Variants in ESPL1 observed in about 807,000 individuals in gnomAD.
ESPL1 encodes extra spindle pole bodies like 1, separase, also known as separin.
In ESPL1, 50 loss-of-function variants were observed where a neutral mutation model predicts 217.2. The observed-to-expected ratio is 0.23, with a 90% CI of 0.18 to 0.29. The LOEUF (loss-of-function observed/expected upper bound fraction) is 0.29, where lower values mean the gene tolerates loss of function less well. Ranked by LOEUF, ESPL1 falls within the 10% of genes least tolerant of loss-of-function variation. The pLI is 1.00. For synonymous variants in ESPL1, 994 were observed against 1,081.3 expected, an observed-to-expected ratio of 0.92 and a Z score of 1.58; for missense variants, 1,834 against 2,603.0, an observed-to-expected ratio of 0.70 and a Z score of 6.43.
intron 6 of ESPL1, 54 bp downstream of exon 6, chr12:53,272,911 G>GGAGCGGGGA (rs1943699803): frequency 6.9e-6 from 11 of 1,598,308 alleles, no homozygotes; most frequent in Non-Finnish European, 8.5e-6. Flanking sequence ...GGGAGCGGGG[G>GGAGCGGGGA]GAGCGGGGAA....
At chr12:53,279,932 A>G in intron 12 of ESPL1, 66 bp downstream of exon 12, 1 of 1,473,748 alleles carries the variant, frequency 6.8e-7, no homozygotes, top group Non-Finnish European at 9.0e-7. Context: ...CCCACCTCTG[A>G]GAAGACAGGA....
rs1943797893 is a variant in ESPL1, at chr12:53,277,840, C to T, written c.2244C>T (p.Asp748=). The change falls in exon 11 of 31, where the codon GAC becomes GAT. Residue 748 remains aspartate, a synonymous_variant. Coordinates refer to ENST00000257934, the MANE Select transcript of ESPL1 (RefSeq NM_012291.5). ...AADAAQSKCL[D]QALALWKELL... The stretch of plus-strand genomic sequence containing the variant: ...TAACAGCTCAGTCCAAATGCCTGGA[C>T]CAAGCCCTGGCCCTGTGGAAGGAGC... The T allele has an allele frequency of 6.2e-7, 1 of 1,614,002 alleles. No homozygotes were observed. The highest frequency in any genetic ancestry group is 1.3e-5 in the African/African-American group (1 of 74,912).
intron 20 of ESPL1, 68 bp from the exon 21 acceptor site, chr12:53,289,022 C>T (rs1944007128): frequency 2.3e-6 from 3 of 1,278,014 alleles, no homozygotes; most frequent in South Asian, 2.4e-5. Flanking sequence ...ACTGTTCCTT[C>T]TTGGAAAGTT....
intron 5 of ESPL1, among the ~76,000 whole-genome samples, chr12:53,272,102 A>G (rs1943685932): frequency 6.6e-6 from 1 of 151,916 alleles, no homozygotes; most frequent in Admixed American, 6.6e-5. Context: ...AAAAAAAAAA[A>G]AATTTGTTGA....
At chr12:53,279,628 C>T in intron 11 of ESPL1, 104 bp from the exon 12 acceptor site, 1 of 1,154,352 alleles carries the variant, frequency 8.7e-7, no homozygotes, top group Admixed American at 2.0e-5. Context: ...CACCCAGGCC[C>T]TGAGGTCAAA....
In ESPL1 at chr12:53,285,945, A is replaced by C; in HGVS notation, c.3209A>C (p.His1070Pro). ...CCAGAGTTTGGTGGGGTGACTCAGC[A>C]CCTGGACTCTGTGAAGAAGGTCCAC... ...SCTEFGGVTQ[H>P]LDSVKKVHLQ... Residue 1070 changes from histidine (H) to proline (P), a missense_variant, in exon 18 of 31, where the codon CAC (histidine) becomes CCC (proline). His to Pro is a moderately conservative substitution (Grantham distance 77). Transcript: ENST00000257934. The C allele has an allele frequency of 6.5e-7, 1 of 1,539,778 alleles. No individual in the cohort carries two copies.
intron 25 of ESPL1, among the ~76,000 whole-genome samples, 198 bp downstream of exon 25, chr12:53,291,194 C>T (rs533462322): frequency 2.6e-5 from 4 of 151,570 alleles, no homozygotes; most frequent in Admixed American, 6.6e-5. Flanking sequence ...TCCAGCTTCT[C>T]GGGAGGCTGT....
chr12:53,275,427 C>T (rs1161304316), intron 7 of ESPL1, among the ~76,000 whole-genome samples: 1 of 152,112 alleles, frequency 6.6e-6, no homozygotes, highest in African/African-American at 2.4e-5. Flanking sequence ...TGCCACTGCA[C>T]TCCAGCCTGG....
In ESPL1 at chr12:53,282,635, G is replaced by A. The variant is rs1054793713; in HGVS notation, c.2791+200G>A. On this transcript the variant is annotated intron_variant, in intron 14 of 30. Coordinates refer to ENST00000257934, the MANE Select transcript of ESPL1 (RefSeq NM_012291.5). The surrounding 1 kb of genome is among the most constrained non-coding windows in gnomAD (Gnocchi z 4.0). The stretch of plus-strand genomic sequence containing the variant: ...CAATTGGTGACTGCCTGGAATACTA[G>A]GCTGAAAGGATTTTTTTTTCTTTTC... Among the ~76,000 whole-genome samples, 2 of 152,130 alleles carry A rather than the reference G, an allele frequency of 1.3e-5. No homozygotes were observed. The highest frequency in any genetic ancestry group is 4.8e-5 in the African/African-American group (2 of 41,440).
chr12:53,292,456 C>G lies in ESPL1; in HGVS notation c.5912+63C>G. 2.1e-6 allele frequency: 3 copies of G among 1,419,970 alleles called. No homozygotes were observed. The East Asian group carries it at 6.8e-5, about 32-fold the overall frequency. The allele number at this position is 1,419,970 out of a possible 1,614,324, so 88.0% of individuals were successfully genotyped here. ...GTAGACAACATACAGGGGCAACAAG[C>G]CTTTTCTCCAGAAACAGCTGTTGCA... On this transcript the variant is annotated intron_variant, in intron 28 of 30. Transcript: ENST00000257934. This position sits in a 1 kb window ranked among gnomAD's most constrained non-coding sequence, Gnocchi z 4.5.
Position 53,270,701 on chromosome 12 carries a change from C to T in ESPL1, c.1272C>T (p.Thr424=). 6.2e-7 allele frequency: 1 copy of T among 1,614,014 alleles called. No individual in the cohort carries two copies. The highest frequency in any genetic ancestry group is 8.5e-7 in the Non-Finnish European group (1 of 1,179,988). Reference sequence around the variant, plus strand: ...AGATAGTTGATTTGGCTGACCTGACCCAACTAGTGGACAGTTGTAAATCTA... The same window carrying T: ...AGATAGTTGATTTGGCTGACCTGACTCAACTAGTGGACAGTTGTAAATCTA... ...GCQIVDLADL[T]QLVDSCKSTV... is the part of the protein sequence containing the mutation. The change falls in exon 5 of 31, where the codon ACC becomes ACT. Residue 424 remains threonine, a synonymous_variant. Coordinates refer to ENST00000257934, the MANE Select transcript of ESPL1 (RefSeq NM_012291.5).
rs116495116 is a variant in ESPL1, at chr12:53,290,754, C to G, written c.5365-87C>G. 561 of 274,838 alleles carry G rather than the reference C, an allele frequency of 2.0e-3. 1 individual carries two copies. In the African/African-American group the frequency reaches 0.055, roughly 27 times the overall value. 17.0% of individuals were successfully genotyped at this position (274,838 alleles called of 1,614,324 possible). A position where few individuals can be genotyped will look rare whatever the true frequency, so the allele number is the denominator to read the frequency against. On this transcript the variant is annotated intron_variant, in intron 24 of 30. Coordinates refer to ENST00000257934, the MANE Select transcript of ESPL1 (RefSeq NM_012291.5). ...TAAGACAGACATGCACATTGGAAAA[C>G]GCATTTTCTCATCTCCAAAATGTCA... is the stretch of plus-strand genomic sequence containing the variant.
In ESPL1 at chr12:53,269,339, C is replaced by G. The variant is rs367795450; in HGVS notation, c.397C>G (p.Arg133Gly). Residue 133 changes from arginine to glycine, a missense_variant, in exon 3 of 31, where the codon CGC (arginine) becomes GGC (glycine). Arg to Gly is a moderately radical substitution (Grantham distance 125). Coordinates refer to ENST00000257934, the MANE Select transcript of ESPL1 (RefSeq NM_012291.5). This position sits in a 1 kb window ranked among gnomAD's most constrained non-coding sequence, Gnocchi z 6.7. ...CCATGCCTGCTTGGTGCAGTGCTCT[C>G]GCGAGGCTGCTCCCCAGGACTATGA... is the stretch of plus-strand genomic sequence containing the variant. ...PLHACLVQCS[R>G]EAAPQDYEAV... 17 of 1,614,006 alleles carry G rather than the reference C, an allele frequency of 1.1e-5. No individual in the cohort carries two copies. The African/African-American group carries it at 1.5e-4, about 14-fold the overall frequency.
At chr12:53,272,910 G>T (rs1056600647) in intron 6 of ESPL1, 53 bp downstream of exon 6, 6 of 1,599,290 alleles carry the variant, frequency 3.8e-6, no homozygotes, top group African/African-American at 1.3e-5. Flanking sequence ...GGGGAGCGGG[G>T]GGAGCGGGGA....
intron 19 of ESPL1, 30 bp from the exon 20 acceptor site, chr12:53,288,508 C>G: frequency 6.3e-7 from 1 of 1,589,996 alleles, no homozygotes; most frequent in Non-Finnish European, 8.6e-7. Context: ...GGGGAGGGAG[C>G]ACTGTGAAAA....
At position 53,293,117 on chromosome 12, in the gene ESPL1, C is replaced by G; in HGVS notation, c.6161+147C>G. The G allele has an allele frequency of 1.0e-6, 1 of 978,528 alleles. No individual in the cohort carries two copies. Among genetic ancestry groups the G allele is most frequent in the Non-Finnish European group, 1.5e-6 (1 of 652,888 alleles). The allele number at this position is 978,528 out of a possible 1,614,324, so 60.6% of individuals were successfully genotyped here. ...CCCTGGCATGCCTGGACCATTAACCCTTAGCTCCCTTCTGTTCTTCTCTTG... is the reference window on the plus strand; with the variant it reads ...CCCTGGCATGCCTGGACCATTAACCGTTAGCTCCCTTCTGTTCTTCTCTTG... On this transcript the variant is annotated intron_variant, in intron 30 of 30. Coordinates refer to ENST00000257934, the MANE Select transcript of ESPL1 (RefSeq NM_012291.5). This position sits in a 1 kb window ranked among gnomAD's most constrained non-coding sequence, Gnocchi z 4.2.
Position 53,285,982 on chromosome 12 carries a change from G to C in ESPL1, c.3246G>C (p.Gly1082=). The change falls in exon 18 of 31, where the codon GGG becomes GGC. Residue 1082 remains glycine, a synonymous_variant. Coordinates refer to ENST00000257934, the MANE Select transcript of ESPL1 (RefSeq NM_012291.5). ...TGAAGAAGGTCCACCTGCAGAAGGG[G>C]AAGCAGCAGGCCCAGGTCCCCTGTC... The part of the protein sequence containing the change: ...DSVKKVHLQK[G]KQQAQVPCPP... 1 of 1,578,018 alleles carries C rather than the reference G, an allele frequency of 6.3e-7. No individual in the cohort carries two copies. The highest frequency in any genetic ancestry group is 8.7e-7 in the Non-Finnish European group (1 of 1,155,738).
At position 53,293,514 on chromosome 12, in the gene ESPL1, C is replaced by T. The variant is rs764813630; in HGVS notation, c.*40C>T. On this transcript the variant is annotated 3_prime_UTR_variant, in exon 31 of 31. Coordinates refer to ENST00000257934, the MANE Select transcript of ESPL1 (RefSeq NM_012291.5). This position sits in a 1 kb window ranked among gnomAD's most constrained non-coding sequence, Gnocchi z 4.2. ...CTTATTGATGCTAGAAGCCTCATAACTGTTCTACCTCCAAGGTTAGATTTA... is the reference window on the plus strand; with the variant it reads ...CTTATTGATGCTAGAAGCCTCATAATTGTTCTACCTCCAAGGTTAGATTTA... 7.0e-7 allele frequency: 1 copy of T among 1,424,658 alleles called. No homozygotes were observed. The allele number at this position is 1,424,658 out of a possible 1,614,324, so 88.3% of individuals were successfully genotyped here. A position where few individuals can be genotyped will look rare whatever the true frequency, so the allele number is the denominator to read the frequency against.
At chr12:53,277,717 G>C in intron 10 of ESPL1, 104 bp from the exon 11 acceptor site, 1 of 1,568,816 alleles carries the variant, frequency 6.4e-7, no homozygotes, top group African/African-American at 1.3e-5. Flanking sequence ...GGTTGTGGAA[G>C]CAGTGGGAGG....
Sources: gnomAD v4.1 joint callset for allele counts (sites outside exome capture counted in the v4.1 genomes callset) on GRCh38, gnomAD v4.1.1 for gene constraint, Gnocchi (gnomAD v3.1) non-coding constraint, MANE v1.5 for transcripts, NCBI Gene and HGNC (gene_info 2026-07-23, HGNC 2026-07-21) for gene names.